The following KCNG4 variants were observed in gnomAD, a reference collection of about 807,000 sequenced individuals.
KCNG4 encodes the protein potassium voltage-gated channel modifier subfamily G member 4.
In KCNG4, 30 loss-of-function variants were observed where a neutral mutation model predicts 28.2. The observed-to-expected ratio is 1.06, with a 90% CI of 0.80 to 1.44. The LOEUF (loss-of-function observed/expected upper bound fraction) is 1.44, where lower values mean the gene tolerates loss of function less well. Among genes scored for constraint, KCNG4 ranks in the 40% most tolerant of loss-of-function variants. The pLI is 0.00. For missense variants in KCNG4, 879 were observed against 712.3 expected (o/e 1.23, Z -2.66); for synonymous variants, 375 against 315.5 (o/e 1.19, Z -2.00).
At position 84,223,334 on chromosome 16, in the gene KCNG4, C is replaced by T. The variant is rs143085329; in HGVS notation, c.757-314G>A. Among the ~76,000 whole-genome samples the T allele has an allele frequency of 7.8e-4, 119 of 152,190 alleles. 1 individual carries two copies. The East Asian group carries it at 0.014, about 19-fold the overall frequency. ...CACTCTTTCCATCCTTCCTGTGAGC[C>T]GGGACAGCACAAATGGGCCTGCAAC... is the stretch of plus-strand genomic sequence containing the variant. On this transcript the variant is annotated intron_variant, in intron 2 of 2. Coordinates refer to ENST00000308251, the MANE Select transcript of KCNG4 (RefSeq NM_172347.3).
intron 2 of KCNG4, chr16:84,235,471 A>T (rs948917388): frequency 6.6e-6 from 1 of 152,174 alleles, no homozygotes; most frequent in Non-Finnish European, 1.5e-5. Flanking sequence ...TGGCATTGTC[A>T]TCTTCTCCAT....
chr16:84,232,034 T>G (rs1304583423), intron 2 of KCNG4, among the ~76,000 whole-genome samples: 5 of 147,040 alleles, frequency 3.4e-5, no homozygotes, highest in African/African-American at 5.0e-5. Context: ...GAGTCAGGAC[T>G]AGATCTCGAA....
intron 2 of KCNG4, chr16:84,236,341 C>T (rs981546923): frequency 3.2e-6 from 1 of 314,012 alleles, no homozygotes; most frequent in East Asian, 5.6e-5. Context: ...AGTAAACCTT[C>T]GAGGTGATGT....
At chr16:84,227,592 A>G (rs62049945) in intron 2 of KCNG4, among the ~76,000 whole-genome samples, 38,888 of 152,062 alleles carry the variant, frequency 0.26, 5,145 homozygotes, top group East Asian at 0.43. Context: ...AAAACAAAAC[A>G]AAACAAAACC....
At chr16:84,232,637 C>T (rs968870519) in intron 2 of KCNG4, among the ~76,000 whole-genome samples, 9 of 152,112 alleles carry the variant, frequency 5.9e-5, no homozygotes, top group East Asian at 1.9e-4. Context: ...CAGTGACTCA[C>T]GCCTATAATC....
At chr16:84,236,293 A>C in intron 2 of KCNG4, 1 of 215,918 alleles carries the variant, frequency 4.6e-6, no homozygotes, top group Admixed American at 5.2e-5. Flanking sequence ...CTTAGCACAG[A>C]GTGGTGTTCA....
chr16:84,223,351 G>C (rs988632414), intron 2 of KCNG4, among the ~76,000 whole-genome samples: 4 of 152,108 alleles, frequency 2.6e-5, no homozygotes, highest in African/African-American at 9.7e-5. Flanking sequence ...GCACAAATGG[G>C]CCTGCAACCC....
chr16:84,219,891 G>A lies in KCNG4; in HGVS notation c.*2326C>T, dbSNP rs1252880063. 1 of 151,618 alleles carries A rather than the reference G, an allele frequency of 6.6e-6. No individual in the cohort carries two copies. Among genetic ancestry groups the A allele is most frequent in the Non-Finnish European group, 1.5e-5 (1 of 67,922 alleles). 9.4% of individuals were successfully genotyped at this position (151,618 alleles called of 1,614,324 possible). A position where few individuals can be genotyped will look rare whatever the true frequency, so the allele number is the denominator to read the frequency against. On this transcript the variant is annotated 3_prime_UTR_variant, in exon 3 of 3. Transcript: ENST00000308251. ...TGTCTCTACTAAAAATATCAAATTA[G>A]CTGAGCATTTGATCTCCAAATAGCT...
chr16:84,224,680 C>G (rs2151336456), intron 2 of KCNG4, among the ~76,000 whole-genome samples: 1 of 152,356 alleles, frequency 6.6e-6, no homozygotes, highest in Middle Eastern at 3.4e-3. Context: ...GGGCACCTTT[C>G]TGGCTGGACT....
At chr16:84,225,351 C>T (rs552494735) in intron 2 of KCNG4, among the ~76,000 whole-genome samples, 1 of 152,300 alleles carries the variant, frequency 6.6e-6, no homozygotes, top group South Asian at 2.1e-4. Flanking sequence ...GCTTCAGTTT[C>T]CAATGCAGAG....
At chr16:84,223,735 A>T (rs1904633162) in intron 2 of KCNG4, among the ~76,000 whole-genome samples, 1 of 152,152 alleles carries the variant, frequency 6.6e-6, no homozygotes, top group Non-Finnish European at 1.5e-5. Context: ...ACTGTTGGCT[A>T]TTTTGTAACT....
intron 1 of KCNG4, among the ~76,000 whole-genome samples, chr16:84,239,437 C>G (rs1210247552): frequency 6.6e-6 from 1 of 152,224 alleles, no homozygotes; most frequent in Admixed American, 6.5e-5. Flanking sequence ...CTCTGTCCCC[C>G]AGCCTGGGGC....
intron 2 of KCNG4, among the ~76,000 whole-genome samples, chr16:84,225,499 A>G (rs1219522612): frequency 1.3e-5 from 2 of 152,202 alleles, no homozygotes; most frequent in Non-Finnish European, 2.9e-5. Flanking sequence ...GGGAATCTAC[A>G]TTTTGGTAAC....
chr16:84,236,895 G>A lies in KCNG4; in HGVS notation c.591C>T (p.Ser197=), dbSNP rs1405146378. ...QRETRRPASH[S]SRWGLCMNRL... is the part of the protein sequence containing the mutation. ...GGTTCATGCACAGGCCCCAGCGCGA[G>A]GAGTGCGAGGCGGGGCGGCGGGTCT... The change falls in exon 2 of 3, where the codon TCC becomes TCT. Residue 197 remains serine (S), a synonymous_variant. Coordinates refer to ENST00000308251, the MANE Select transcript of KCNG4 (RefSeq NM_172347.3). The A allele has an allele frequency of 3.7e-6, 6 of 1,613,540 alleles. No homozygotes were observed. Among genetic ancestry groups the A allele is most frequent in the East Asian group, 2.2e-5 (1 of 44,878 alleles).
rs141503122 is a variant in KCNG4 at position 84,237,045 on chromosome 16, C to A, written c.441G>T (p.Leu147=). ...EMCALSFQEE[L]AYWGIEEAHL... ...GGGCCTCCTCGATGCCCCAGTAGGCCAGCTCCTCCTGGAAGGACAGCGCGC... is the reference window on the plus strand; with the variant it reads ...GGGCCTCCTCGATGCCCCAGTAGGCAAGCTCCTCCTGGAAGGACAGCGCGC... The change falls in exon 2 of 3, where the codon CTG becomes CTT. Residue 147 remains leucine (L), a synonymous_variant. Transcript: ENST00000308251. The A allele has an allele frequency of 1.9e-6, 3 of 1,614,086 alleles. No homozygotes were observed. Among genetic ancestry groups the A allele is most frequent in the South Asian group, 1.1e-5 (1 of 91,078 alleles).
At chr16:84,225,194 G>A (rs943300612) in intron 2 of KCNG4, among the ~76,000 whole-genome samples, 1 of 144,106 alleles carries the variant, frequency 6.9e-6, no homozygotes, top group African/African-American at 2.6e-5. Flanking sequence ...AAGATGAGGG[G>A]ATTCTCCAGC....
chr16:84,228,895 C>T (rs527402284), intron 2 of KCNG4, among the ~76,000 whole-genome samples: 8 of 152,372 alleles, frequency 5.3e-5, no homozygotes, highest in Middle Eastern at 3.4e-3. Flanking sequence ...TGCTGCCCTC[C>T]GGTTCATGCC....
chr16:84,221,948 C>T lies in KCNG4; in HGVS notation c.*269G>A. 2.1e-6 allele frequency: 1 copy of T among 483,198 alleles called. No individual in the cohort carries two copies. The highest frequency in any genetic ancestry group is 3.7e-6 in the Non-Finnish European group (1 of 271,684). The allele number at this position is 483,198 out of a possible 1,614,324, so 29.9% of individuals were successfully genotyped here. Reference sequence around the variant, plus strand: ...GGAAGGAAAAGAGAATGAAAGGAGACTGAGCTACTCCAGCAAGATTGGACA... The same window carrying T: ...GGAAGGAAAAGAGAATGAAAGGAGATTGAGCTACTCCAGCAAGATTGGACA... On this transcript the variant is annotated 3_prime_UTR_variant, in exon 3 of 3. Coordinates refer to ENST00000308251, the MANE Select transcript of KCNG4 (RefSeq NM_172347.3).
rs1033746999 is a variant in KCNG4 at position 84,237,257 on chromosome 16, G to C, written c.229C>G (p.Leu77Val). 6.2e-7 allele frequency: 1 copy of C among 1,613,520 alleles called. No individual in the cohort carries two copies. Among genetic ancestry groups the C allele is most frequent in the Non-Finnish European group, 8.5e-7 (1 of 1,179,702 alleles). Reference sequence around the variant, plus strand: ...AGGCGGCTCAGCGGGAACCGGTCCAGTGTGCTCCAGGGGAGGAGATACCTC... The same window carrying C: ...AGGCGGCTCAGCGGGAACCGGTCCACTGTGCTCCAGGGGAGGAGATACCTC... The part of the protein sequence containing the change: ...GRRYLLPWST[L>V]DRFPLSRLSK... Residue 77 changes from leucine to valine, a missense_variant, in exon 2 of 3, where the codon CTG becomes GTG. Leu to Val is a conservative substitution (Grantham distance 32, BLOSUM62 1). Transcript: ENST00000308251.
Sources: gnomAD v4.1 joint callset for allele counts (sites outside exome capture counted in the v4.1 genomes callset) on GRCh38, gnomAD v4.1.1 for gene constraint, MANE v1.5 for transcripts, NCBI Gene and HGNC (gene_info 2026-07-23, HGNC 2026-07-21) for gene names.